The following CFAP299 variants were observed in gnomAD, a reference collection of about 807,000 sequenced individuals.
The protein encoded by CFAP299 is cilia and flagella associated protein 299, also known as cilia- and flagella-associated protein 299.
A neutral mutation model predicts 27.0 loss-of-function variants in CFAP299; 21 were observed. The ratio of observed to expected loss-of-function variants is 0.78; its 90% CI spans 0.55 to 1.12. CFAP299 has a LOEUF of 1.12. Ranked by LOEUF, CFAP299 falls within the 50% of genes most tolerant of loss-of-function variation. The probability of loss-of-function intolerance (pLI) is 0.00; values close to 1 mark genes in which losing one functional copy is unlikely to be tolerated. For synonymous variants in CFAP299, 104 were observed against 98.1 expected (o/e 1.06, Z -0.36); for missense variants, 310 against 276.6 (o/e 1.12, Z -0.86).
intron 3 of CFAP299, among the ~76,000 whole-genome samples, chr4:80,685,305 G>A (rs1720111314): frequency 6.6e-6 from 1 of 152,048 alleles, no homozygotes; most frequent in Admixed American, 6.5e-5. Flanking sequence ...TGAGATCTCT[G>A]AGGGAAAAAT....
At chr4:80,581,175 A>G (rs1340291502) in intron 2 of CFAP299, among the ~76,000 whole-genome samples, 1 of 151,776 alleles carries the variant, frequency 6.6e-6, no homozygotes, top group Non-Finnish European at 1.5e-5. Context: ...AATTAGGTAG[A>G]AGCTGGATAA....
At chr4:80,676,623 T>C (rs924295734) in intron 3 of CFAP299, among the ~76,000 whole-genome samples, 5 of 152,138 alleles carry the variant, frequency 3.3e-5, no homozygotes, top group Non-Finnish European at 5.9e-5. Flanking sequence ...ATAGCTTCAA[T>C]TTGATTACTC....
intron 2 of CFAP299, among the ~76,000 whole-genome samples, chr4:80,453,266 C>T (rs1728984004): frequency 3.3e-5 from 5 of 152,034 alleles, no homozygotes; most frequent in Admixed American, 1.3e-4. Flanking sequence ...TTTACCGAGA[C>T]TTGCATATCA....
chr4:80,374,396 T>C (rs1250993367), intron 2 of CFAP299, among the ~76,000 whole-genome samples: 5 of 152,122 alleles, frequency 3.3e-5, no homozygotes. Context: ...ATAAGGGAAC[T>C]GGGGATATCT....
chr4:80,370,546 G>A lies in CFAP299; in HGVS notation c.242+7662G>A, dbSNP rs186204436. Among the ~76,000 whole-genome samples, 4 of 152,338 alleles carry A rather than the reference G, an allele frequency of 2.6e-5. No individual in the cohort carries two copies. The East Asian group carries it at 7.7e-4, about 29-fold the overall frequency. ...TAGTTACTTCCAGGATACAATGGGG[G>A]ATAGGCATTAGGTAAGTACCCTTGT... On this transcript the variant is annotated intron_variant, in intron 2 of 5. Coordinates refer to ENST00000358105, the MANE Select transcript of CFAP299 (RefSeq NM_152770.3).
chr4:80,368,299 A>G (rs1338744930), intron 2 of CFAP299, among the ~76,000 whole-genome samples: 4 of 152,178 alleles, frequency 2.6e-5, no homozygotes, highest in Non-Finnish European at 5.9e-5. Context: ...TACTTGATGA[A>G]GAGGATTTCT....
At chr4:80,695,525 T>C (rs1388560719) in intron 3 of CFAP299, among the ~76,000 whole-genome samples, 1 of 152,194 alleles carries the variant, frequency 6.6e-6, no homozygotes, top group East Asian at 1.9e-4. Context: ...GTAAACATTG[T>C]TTGTATTGTT....
intron 1 of CFAP299, among the ~76,000 whole-genome samples, chr4:80,349,849 T>C (rs1033642764): frequency 1.3e-5 from 2 of 152,168 alleles, no homozygotes; most frequent in Non-Finnish European, 2.9e-5. Flanking sequence ...CTACTACTAG[T>C]AATGTTTTAT....
At chr4:80,423,136 T>G (rs1261862275) in intron 2 of CFAP299, among the ~76,000 whole-genome samples, 1 of 152,118 alleles carries the variant, frequency 6.6e-6, no homozygotes, top group Non-Finnish European at 1.5e-5. Context: ...ACTACCCTTG[T>G]ATATGTGGTC....
At chr4:80,848,341 T>C (rs1424619457) in intron 3 of CFAP299, among the ~76,000 whole-genome samples, 1 of 152,000 alleles carries the variant, frequency 6.6e-6, no homozygotes, top group East Asian at 1.9e-4. Flanking sequence ...TTCTGAGAAA[T>C]GTGATGTTAG....
At chr4:80,709,921 G>A (rs1199141186) in intron 3 of CFAP299, among the ~76,000 whole-genome samples, 2 of 152,114 alleles carry the variant, frequency 1.3e-5, no homozygotes, top group Non-Finnish European at 2.9e-5. Flanking sequence ...TCAAGAGACA[G>A]AAGAATGTAA....
At chr4:80,536,596 C>A (rs562654466) in intron 2 of CFAP299, among the ~76,000 whole-genome samples, 2 of 152,066 alleles carry the variant, frequency 1.3e-5, no homozygotes, top group East Asian at 3.9e-4. Context: ...AACAAAGGTG[C>A]CAAGAACATA....
At chr4:80,543,666 A>G (rs1017657012) in intron 2 of CFAP299, among the ~76,000 whole-genome samples, 1 of 152,248 alleles carries the variant, frequency 6.6e-6, no homozygotes, top group Non-Finnish European at 1.5e-5. Flanking sequence ...TTTAAAATGA[A>G]CAAAACTTCT....
chr4:80,757,368 T>G (rs1725295134), intron 3 of CFAP299, among the ~76,000 whole-genome samples: 1 of 152,172 alleles, frequency 6.6e-6, no homozygotes, highest in Non-Finnish European at 1.5e-5. Flanking sequence ...TTAAAATTGT[T>G]TTTCTCATGA....
chr4:80,712,537 T>A (rs1001901349), intron 3 of CFAP299, among the ~76,000 whole-genome samples: 5 of 152,178 alleles, frequency 3.3e-5, no homozygotes, highest in African/African-American at 4.8e-5. Context: ...TTGAGTGAAT[T>A]AAATGTGTAA....
At chr4:80,962,964 T>G (rs1160890431) in intron 5 of CFAP299, among the ~76,000 whole-genome samples, 1 of 151,966 alleles carries the variant, frequency 6.6e-6, no homozygotes, top group Admixed American at 6.6e-5. Flanking sequence ...TATGGTAAAC[T>G]ATGCTAATTT....
intron 5 of CFAP299, among the ~76,000 whole-genome samples, chr4:80,946,220 G>A (rs972421724): frequency 6.6e-6 from 1 of 152,094 alleles, no homozygotes; most frequent in Non-Finnish European, 1.5e-5. Context: ...TGCCAAGATA[G>A]TAATTTAAAC....
chr4:80,441,143 C>T (rs1307869819), intron 2 of CFAP299, among the ~76,000 whole-genome samples: 2 of 152,158 alleles, frequency 1.3e-5, no homozygotes, highest in Admixed American at 1.3e-4. Flanking sequence ...AGGATATTAT[C>T]CAGGATAACT....
chr4:80,832,902 G>T (rs971394950), intron 3 of CFAP299, among the ~76,000 whole-genome samples: 3 of 152,060 alleles, frequency 2.0e-5, no homozygotes, highest in Non-Finnish European at 4.4e-5. Context: ...ACCATTCAGA[G>T]ATATCGAAAT....
Sources: allele counts gnomAD v4.1 joint callset (sites outside exome capture counted in the v4.1 genomes callset), GRCh38; gene constraint gnomAD v4.1.1; transcripts MANE v1.5; gene names NCBI Gene and HGNC (gene_info 2026-07-23, HGNC 2026-07-21).